SCLT1: variants seen among roughly 807,000 people sequenced by gnomAD.
SCLT1 encodes the protein sodium channel and clathrin linker 1.
A neutral mutation model predicts 112.8 loss-of-function variants in SCLT1; 78 were observed. The observed-to-expected ratio is 0.69, with a 90% confidence interval of 0.58 to 0.83. The LOEUF (loss-of-function observed/expected upper bound fraction) is 0.83. Ranked by LOEUF, SCLT1 falls within the 40% of genes least tolerant of loss-of-function variation. The pLI is 0.00. For missense variants in SCLT1, 747 were observed against 770.4 expected (o/e 0.97, Z 0.36); for synonymous variants, 257 against 254.7 (o/e 1.01, Z -0.09).
intron 5 of SCLT1, among the ~76,000 whole-genome samples, chr4:129,032,153 G>A (rs186790326): frequency 2.0e-3 from 298 of 152,076 alleles, no homozygotes; most frequent in Non-Finnish European, 3.5e-3. Context: ...ATAGACCAAT[G>A]GAACAGAACA....
intron 18 of SCLT1, among the ~76,000 whole-genome samples, chr4:128,933,667 C>A (rs1015095926): frequency 2.6e-5 from 4 of 152,240 alleles, no homozygotes; most frequent in East Asian, 3.9e-4. Context: ...ACTGAAAAGA[C>A]TGAACTAGAG....
rs370764837 is a variant in SCLT1, at chr4:128,897,884, T to C, written c.1830-6747A>G. On this transcript the variant is annotated intron_variant, in intron 18 of 20. Coordinates refer to ENST00000281142, the MANE Select transcript of SCLT1 (RefSeq NM_144643.4). Reference sequence around the variant, plus strand: ...CAGGGGTTGCAATCCTAGTCTCTGATAAAACAGACTTTAAAACAACAAAGA... The same window carrying C: ...CAGGGGTTGCAATCCTAGTCTCTGACAAAACAGACTTTAAAACAACAAAGA... Among the ~76,000 whole-genome samples the C allele has an allele frequency of 1.3e-3, 200 of 152,080 alleles. 3 individuals carry two copies. In the East Asian group the frequency reaches 0.037, roughly 28 times the overall value.
chr4:129,041,277 A>G (rs535427498), intron 4 of SCLT1, among the ~76,000 whole-genome samples: 112 of 152,332 alleles, frequency 7.4e-4, no homozygotes, highest in South Asian at 8.3e-4. Context: ...ACAGGCTAAA[A>G]AATACACAAT....
chr4:128,901,894 T>C (rs148617843), intron 18 of SCLT1, among the ~76,000 whole-genome samples: 144 of 152,166 alleles, frequency 9.5e-4, no homozygotes, highest in African/African-American at 3.3e-3. Flanking sequence ...ATACACACAT[T>C]CTTCTAAGTG....
rs1337767551 is a variant in SCLT1 at position 129,033,456 on chromosome 4, A to T, written c.290+5585T>A. On this transcript the variant is annotated intron_variant, in intron 5 of 20. Transcript: ENST00000281142. ...AAACCACCATGGCACATGTATACCT[A>T]TGTAACAAACCTGCATGTTCTGCCC... Among the ~76,000 whole-genome samples the T allele has an allele frequency of 2.1e-5, 3 of 141,764 alleles. No individual in the cohort carries two copies. The East Asian group carries it at 6.6e-4, about 31-fold the overall frequency. 93.0% of individuals were successfully genotyped at this position (141,764 alleles called of 152,430 possible).
At chr4:129,049,019 G>C (rs530491088) in intron 2 of SCLT1, among the ~76,000 whole-genome samples, 4 of 151,822 alleles carry the variant, frequency 2.6e-5, no homozygotes, top group African/African-American at 9.7e-5. Flanking sequence ...GGAACACTTT[G>C]ACACTGTTGG....
At chr4:129,024,427 C>A (rs1560979221) in intron 5 of SCLT1, among the ~76,000 whole-genome samples, 1 of 152,176 alleles carries the variant, frequency 6.6e-6, no homozygotes, top group Non-Finnish European at 1.5e-5. Flanking sequence ...CTGCTGTTAC[C>A]CAGGCAAACA....
chr4:129,054,559 T>G (rs1749172767), intron 2 of SCLT1, among the ~76,000 whole-genome samples: 1 of 151,990 alleles, frequency 6.6e-6, no homozygotes. Flanking sequence ...GATAGTTACG[T>G]ATGCTTTACA....
chr4:129,077,784 C>T (rs749008920), intron 2 of SCLT1, among the ~76,000 whole-genome samples: 1 of 151,822 alleles, frequency 6.6e-6, no homozygotes, highest in East Asian at 1.9e-4. Context: ...CATACTAAAA[C>T]AAAATAAAAA....
At chr4:128,996,066 AATCCCT>A (rs1358697524) in intron 8 of SCLT1, among the ~76,000 whole-genome samples, 2 of 151,812 alleles carry the variant, frequency 1.3e-5, no homozygotes, top group African/African-American at 4.8e-5. Context: ...GCACATACCT[AATCCCT>A]TCCCTCCCCT....
chr4:128,882,231 T>C (rs1384702987), downstream of SCLT1, among the ~76,000 whole-genome samples: 5 of 152,192 alleles, frequency 3.3e-5, no homozygotes, highest in Non-Finnish European at 5.9e-5. Flanking sequence ...TAAATATGAA[T>C]ATGAACATAA....
intron 20 of SCLT1, among the ~76,000 whole-genome samples, chr4:128,886,557 C>T (rs181074132): frequency 6.6e-6 from 1 of 152,108 alleles, no homozygotes; most frequent in African/African-American, 2.4e-5. Flanking sequence ...AAAATATTAA[C>T]TCCAGGGAAG....
At chr4:128,924,318 C>T (rs560764215) in intron 18 of SCLT1, among the ~76,000 whole-genome samples, 1 of 151,950 alleles carries the variant, frequency 6.6e-6, no homozygotes, top group East Asian at 1.9e-4. Flanking sequence ...TGCTCTGTGG[C>T]ACAGGCTGGA....
At chr4:128,903,065 T>C (rs1734442258) in intron 18 of SCLT1, among the ~76,000 whole-genome samples, 1 of 89,786 alleles carries the variant, frequency 1.1e-5, no homozygotes, top group Non-Finnish European at 2.2e-5. Context: ...AAGGCTGTTT[T>C]ACAGTTAACT....
rs561443628 is a variant in SCLT1 at position 129,035,919 on chromosome 4, CAGAT to C, written c.290+3118_290+3121del. 3.0e-3 allele frequency among the ~76,000 whole-genome samples: 452 copies of C among 151,686 alleles called. 3 individuals are homozygous for C. The highest frequency in any genetic ancestry group is 9.7e-3 in the African/African-American group (403 of 41,452). ...ATTATTTCCTATTGTAGTAAATTCT[CAGAT>C]AGTATACTCTGATATGTAAATGTAA... On this transcript the variant is annotated intron_variant, in intron 5 of 20. Transcript: ENST00000281142.
intron 12 of SCLT1, 79 bp from the exon 13 acceptor site, chr4:128,957,203 G>C: frequency 1.4e-6 from 1 of 727,820 alleles, no homozygotes; most frequent in Non-Finnish European, 2.2e-6. Flanking sequence ...CTATCCACTA[G>C]TCACTTCCTT....
intron 2 of SCLT1, among the ~76,000 whole-genome samples, chr4:129,060,139 CAATT>C (rs1463521013): frequency 2.0e-5 from 3 of 151,744 alleles, no homozygotes; most frequent in African/African-American, 4.9e-5. Context: ...CTGTACTTTT[CAATT>C]AATTAATCAA....
chr4:128,900,871 A>G (rs1734226018), intron 18 of SCLT1, among the ~76,000 whole-genome samples: 1 of 152,336 alleles, frequency 6.6e-6, no homozygotes, highest in African/African-American at 2.4e-5. Context: ...AAGGACATGA[A>G]CAGACACTTC....
At chr4:128,996,422 TATTCGTGTAATCAGAAA>T (rs1480919999) in intron 8 of SCLT1, among the ~76,000 whole-genome samples, 1 of 152,158 alleles carries the variant, frequency 6.6e-6, no homozygotes, top group Non-Finnish European at 1.5e-5. Flanking sequence ...TTAATGAGTT[TATTCGTGTAATCAGAAA>T]ATTTTTTGTT....
Sources: gnomAD v4.1 joint callset for allele counts (sites outside exome capture counted in the v4.1 genomes callset) on GRCh38, gnomAD v4.1.1 for gene constraint, MANE v1.5 for transcripts, NCBI Gene and HGNC (gene_info 2026-07-23, HGNC 2026-07-21) for gene names.